Variants in GFM2 observed in about 807,000 individuals in gnomAD.
GFM2 encodes GTP dependent ribosome recycling factor mitochondrial 2, also known as ribosome-releasing factor 2, mitochondrial.
GFM2 carries 72 observed loss-of-function variants against 95.4 expected under a neutral mutation model. The observed-to-expected ratio is 0.76, with a 90% CI of 0.62 to 0.92. GFM2 has a LOEUF of 0.92. GFM2 is among the 40% of genes least tolerant of loss of function. GFM2 has a pLI of 0.00. For synonymous variants in GFM2, 276 were observed against 317.5 expected, an observed-to-expected ratio of 0.87 and a Z score of 1.39; for missense variants, 825 against 924.1, an observed-to-expected ratio of 0.89 and a Z score of 1.39.
At chr5:74,723,979 A>G (rs962697679) in intron 19 of GFM2, among the ~76,000 whole-genome samples, 3 of 152,172 alleles carry the variant, frequency 2.0e-5, no homozygotes, top group Non-Finnish European at 4.4e-5. Flanking sequence ...CTGGTGAACT[A>G]TAAGCACAAC....
At chr5:74,749,791 G>A (rs1743599452) in intron 7 of GFM2, among the ~76,000 whole-genome samples, 4 of 152,048 alleles carry the variant, frequency 2.6e-5, no homozygotes, top group Non-Finnish European at 2.9e-5. Flanking sequence ...ATGAACAGCT[G>A]TAGTTTTGAT....
chr5:74,764,041 T>C (rs1744417861), intron 1 of GFM2, among the ~76,000 whole-genome samples: 1 of 152,334 alleles, frequency 6.6e-6, no homozygotes, highest in East Asian at 1.9e-4. Flanking sequence ...AATCAACTTA[T>C]TGAAATTACA....
intron 5 of GFM2, among the ~76,000 whole-genome samples, chr5:74,753,178 C>T (rs916672426): frequency 2.0e-5 from 3 of 152,020 alleles, no homozygotes; most frequent in South Asian, 2.1e-4. Context: ...AGGATATGAA[C>T]GGAAAAATCT....
intron 1 of GFM2, among the ~76,000 whole-genome samples, chr5:74,766,121 C>G (rs1283803918): frequency 6.6e-6 from 1 of 152,162 alleles, no homozygotes; most frequent in African/African-American, 2.4e-5. Context: ...GCCTGGGCAA[C>G]ACGGTGAAAC....
intron 7 of GFM2, among the ~76,000 whole-genome samples, chr5:74,749,397 AT>A (rs1277150412): frequency 6.6e-6 from 1 of 152,132 alleles, no homozygotes; most frequent in Non-Finnish European, 1.5e-5. Context: ...ACTCTTTTTA[AT>A]TATAAGCATT....
At chr5:74,731,201 T>TA (rs1742545390) in intron 16 of GFM2, among the ~76,000 whole-genome samples, 2 of 152,190 alleles carry the variant, frequency 1.3e-5, no homozygotes, top group Non-Finnish European at 2.9e-5. Context: ...ATAACCTTTC[T>TA]AAAAAACCTT....
chr5:74,765,560 G>C (rs1003672460), intron 1 of GFM2, among the ~76,000 whole-genome samples: 1 of 152,188 alleles, frequency 6.6e-6, no homozygotes, highest in African/African-American at 2.4e-5. Context: ...GAGGAAATTC[G>C]GGGGATTGAG....
At chr5:74,734,576 G>C (rs985416051) in intron 15 of GFM2, among the ~76,000 whole-genome samples, 16 of 152,016 alleles carry the variant, frequency 1.1e-4, no homozygotes, top group Admixed American at 3.3e-4. Context: ...AGGTTAAGAG[G>C]CATTATTGTA....
chr5:74,752,055 G>A (rs1743744669), intron 5 of GFM2, among the ~76,000 whole-genome samples: 1 of 152,044 alleles, frequency 6.6e-6, no homozygotes, highest in African/African-American at 2.4e-5. Flanking sequence ...GAATGAGGTA[G>A]AGAAAAAAAT....
At chr5:74,751,720 CTTTT>C (rs1452684411) in intron 5 of GFM2, among the ~76,000 whole-genome samples, 1 of 152,076 alleles carries the variant, frequency 6.6e-6, no homozygotes, top group Non-Finnish European at 1.5e-5. Flanking sequence ...AGATGAAAAT[CTTTT>C]AAGTTTACTG....
At chr5:74,751,530 A>G (rs929009409) in intron 5 of GFM2, 37 bp from the exon 6 acceptor site, 16 of 1,535,486 alleles carry the variant, frequency 1.0e-5, no homozygotes, top group Middle Eastern at 1.7e-4. Context: ...TAGTCTTAAT[A>G]GCAAGTGTAT....
intron 9 of GFM2, 60 bp downstream of exon 9, chr5:74,746,045 T>C: frequency 1.6e-6 from 2 of 1,251,590 alleles, no homozygotes; most frequent in South Asian, 2.8e-5. Flanking sequence ...AATGTATATA[T>C]TGTCACAAAA....
Position 74,740,032 on chromosome 5 carries a change from T to C in GFM2, c.1036A>G (p.Thr346Ala). The change falls in exon 12 of 21, where the codon ACT (threonine) becomes GCT (alanine). Residue 346 changes from threonine to alanine, a missense_variant. Physicochemically the swap from Thr to Ala is moderately conservative, Grantham distance 58 (BLOSUM62 0). Transcript: ENST00000296805. ...KGIQPLLDAV[T>A]MYLPSPEERN... ...TCTTCAGGTGAAGGTAAGTACATAGTAACAGCATCTAACAAGGGCTGTATC... is the reference window on the plus strand; with the variant it reads ...TCTTCAGGTGAAGGTAAGTACATAGCAACAGCATCTAACAAGGGCTGTATC... The C allele has an allele frequency of 1.2e-6, 2 of 1,600,564 alleles. No individual in the cohort carries two copies. Among genetic ancestry groups the C allele is most frequent in the Non-Finnish European group, 1.7e-6 (2 of 1,174,584 alleles).
Position 74,763,672 on chromosome 5 carries a change from A to T in GFM2, c.63+8T>A, listed in dbSNP as rs750686183. 1 of 1,518,680 alleles carries T rather than the reference A, an allele frequency of 6.6e-7. No homozygotes were observed. Among genetic ancestry groups the T allele is most frequent in the Admixed American group, 1.7e-5 (1 of 59,544 alleles). 94.1% of individuals were successfully genotyped at this position (1,518,680 alleles called of 1,614,324 possible). Reference sequence around the variant, plus strand: ...TAAAGGACACTTAATTTTATAAGAAATGCTTACATTAATATACACACTGGG... The same window carrying T: ...TAAAGGACACTTAATTTTATAAGAATTGCTTACATTAATATACACACTGGG... On this transcript the variant is annotated splice_region_variant and intron_variant, in intron 2 of 20. Transcript: ENST00000296805.
chr5:74,765,153 CTG>C (rs1744496547), intron 1 of GFM2: 3 of 1,112,112 alleles, frequency 2.7e-6, no homozygotes, highest in Non-Finnish European at 3.4e-6. Flanking sequence ...ACAGTTGTGA[CTG>C]TAATAGACAT....
intron 6 of GFM2, among the ~76,000 whole-genome samples, 197 bp downstream of exon 6, chr5:74,751,171 A>G (rs1008511528): frequency 1.2e-4 from 19 of 152,224 alleles, no homozygotes; most frequent in Non-Finnish European, 2.4e-4. Flanking sequence ...TCTGCAAGAT[A>G]AAAAAGTTCT....
Position 74,759,386 on chromosome 5 carries a change from G to C in GFM2, c.189C>G (p.Ile63Met), listed in dbSNP as rs549280676. Reference sequence around the variant, plus strand: ...GTACTTACTTAGCTATGGGAGGATTGATGATGGAATGAAGGGATTTGATAT... The same window carrying C: ...GTACTTACTTAGCTATGGGAGGATTCATGATGGAATGAAGGGATTTGATAT... ...GNDIKSLHSI[I>M]NPPIAKIRNI... Residue 63 changes from isoleucine (I) to methionine (M), a missense_variant, in exon 4 of 21, where the codon ATC becomes ATG. By Grantham distance (10) the Ile-to-Met change is conservative. Coordinates refer to ENST00000296805, the MANE Select transcript of GFM2 (RefSeq NM_032380.5). The C allele has an allele frequency of 5.2e-6, 8 of 1,537,896 alleles. No individual in the cohort carries two copies. In the South Asian group the frequency reaches 9.1e-5, roughly 17 times the overall value.
In GFM2 at chr5:74,721,297, C is replaced by G. The variant is rs1308847954; in HGVS notation, c.*358G>C. On this transcript the variant is annotated 3_prime_UTR_variant, in exon 21 of 21. Coordinates refer to ENST00000296805, the MANE Select transcript of GFM2 (RefSeq NM_032380.5). ...TATTTTTATTGATTGAACCTTTGAC[C>G]CTCTATCTTATTACATTTAGAGGCC... is the stretch of plus-strand genomic sequence containing the variant. 1.1e-6 allele frequency: 1 copy of G among 871,782 alleles called. No homozygotes were observed. The highest frequency in any genetic ancestry group is 2.7e-5 in the East Asian group (1 of 37,688). 54.0% of individuals were successfully genotyped at this position (871,782 alleles called of 1,614,324 possible).
chr5:74,730,361 A>G lies in GFM2; in HGVS notation c.1625T>C (p.Ile542Thr), dbSNP rs1321427862. The G allele has an allele frequency of 6.2e-7, 1 of 1,612,310 alleles. No homozygotes were observed. Among genetic ancestry groups the G allele is most frequent in the South Asian group, 1.1e-5 (1 of 90,974 alleles). The change falls in exon 17 of 21, where the codon ATT becomes ACT. Residue 542 changes from isoleucine (I) to threonine (T), a missense_variant. By Grantham distance (89) the Ile-to-Thr change is moderately conservative. Coordinates refer to ENST00000296805, the MANE Select transcript of GFM2 (RefSeq NM_032380.5). ...TTCCCTCTTGATTCGATCATGAATA[A>G]TCTCTATATGTAACTCCCCCATACC... ...LCGMGELHIEIIHDRIKREYG... is the reference protein window; with the variant it reads ...LCGMGELHIETIHDRIKREYG...
Sources: gnomAD v4.1 joint callset for allele counts (sites outside exome capture counted in the v4.1 genomes callset) on GRCh38, gnomAD v4.1.1 for gene constraint, MANE v1.5 for transcripts, NCBI Gene and HGNC (gene_info 2026-07-23, HGNC 2026-07-21) for gene names.